Variants in ELL2 observed in about 807,000 individuals in gnomAD.
ELL2 encodes RNA polymerase II elongation factor ELL2.
In ELL2, 21 loss-of-function variants were observed where a neutral mutation model predicts 72.8. That is an observed-to-expected ratio of 0.29 (90% CI 0.20 to 0.42). ELL2 has a LOEUF of 0.42. ELL2 is among the 10% of genes least tolerant of loss of function. The pLI is 1.00. For synonymous variants in ELL2, 266 were observed against 283.2 expected (o/e 0.94, Z 0.61); for missense variants, 568 against 772.8 (o/e 0.73, Z 3.14).
At chr5:95,906,167 A>C (rs1749352581) in intron 5 of ELL2, among the ~76,000 whole-genome samples, 1 of 152,210 alleles carries the variant, frequency 6.6e-6, no homozygotes, top group Non-Finnish European at 1.5e-5. Flanking sequence ...AGGCCAATAG[A>C]ATACATTGCA....
intron 1 of ELL2, among the ~76,000 whole-genome samples, chr5:95,961,026 C>A (rs1751823364): frequency 6.6e-6 from 1 of 152,024 alleles, no homozygotes; most frequent in South Asian, 2.1e-4. Context: ...AGTGTGTCCC[C>A]TGATACGTGG....
chr5:95,900,301 T>G (rs115736436), intron 7 of ELL2: 1,581 of 155,222 alleles, frequency 0.01, 16 homozygotes, highest in Non-Finnish European at 0.016. Flanking sequence ...AAATCCATTT[T>G]CCCCAAAAAA....
Position 95,886,110 on chromosome 5 carries a change from C to G in ELL2, c.*2761G>C, listed in dbSNP as rs1748455333. On this transcript the variant is annotated 3_prime_UTR_variant, in exon 12 of 12. Transcript: ENST00000237853. ...TAATCTTGCTATTTTTCACACCATC[C>G]TTCCAAAAAAGAAAAGAAAAAAAAC... 2 of 151,822 alleles carry G rather than the reference C, an allele frequency of 1.3e-5. No individual in the cohort carries two copies. The allele number at this position is 151,822 out of a possible 1,614,324, so 9.4% of individuals were successfully genotyped here. A position where few individuals can be genotyped will look rare whatever the true frequency, so the allele number is the denominator to read the frequency against.
At chr5:95,925,556 C>T (rs147828987) in intron 2 of ELL2, among the ~76,000 whole-genome samples, 123 of 152,278 alleles carry the variant, frequency 8.1e-4, no homozygotes, top group African/African-American at 2.7e-3. Context: ...TCAAGTGGTG[C>T]GTGGCACAAA....
At chr5:95,958,460 G>T (rs1240180294) in intron 1 of ELL2, among the ~76,000 whole-genome samples, 1 of 152,224 alleles carries the variant, frequency 6.6e-6, no homozygotes, top group Admixed American at 6.5e-5. Context: ...CCTGCAGTAA[G>T]TACCAACGGT....
intron 2 of ELL2, among the ~76,000 whole-genome samples, chr5:95,929,917 G>A (rs746026012): frequency 1.3e-5 from 2 of 152,064 alleles, no homozygotes; most frequent in African/African-American, 4.8e-5. Flanking sequence ...GTGGCTTCCT[G>A]GGTTTGTGGG....
intron 1 of ELL2, among the ~76,000 whole-genome samples, chr5:95,949,114 A>G (rs1006077844): frequency 7.9e-5 from 12 of 152,222 alleles, no homozygotes; most frequent in Non-Finnish European, 1.8e-4. Flanking sequence ...AAAGAGATCT[A>G]TGTACACTTA....
intron 1 of ELL2, among the ~76,000 whole-genome samples, chr5:95,946,357 C>T (rs1221205260): frequency 2.0e-5 from 3 of 152,132 alleles, no homozygotes; most frequent in African/African-American, 7.2e-5. Flanking sequence ...AAGATGATGC[C>T]AGCGTGGCTC....
intron 5 of ELL2, among the ~76,000 whole-genome samples, chr5:95,903,237 G>A (rs1403191494): frequency 9.4e-5 from 7 of 74,320 alleles, no homozygotes; most frequent in South Asian, 5.3e-4. Flanking sequence ...TTTTTTTTCC[G>A]AGACAGAGTC....
Position 95,961,564 on chromosome 5 carries a change from G to C in ELL2, c.147+11C>G. On this transcript the variant is annotated intron_variant, in intron 1 of 11. Coordinates refer to ENST00000237853, the MANE Select transcript of ELL2 (RefSeq NM_012081.6). ...CCTCTCTGAGCCCAGCCTGCCGGCC[G>C]GCCCGCTCACCTTGTGGCTCTGGTA... 6.4e-7 allele frequency: 1 copy of C among 1,573,410 alleles called. No homozygotes were observed. Among genetic ancestry groups the C allele is most frequent in the Non-Finnish European group, 8.6e-7 (1 of 1,162,176 alleles).
At chr5:95,948,413 G>A (rs560682371) in intron 1 of ELL2, among the ~76,000 whole-genome samples, 8 of 110,904 alleles carry the variant, frequency 7.2e-5, no homozygotes, top group Non-Finnish European at 1.2e-4. Context: ...CTGGGCAACA[G>A]AGCGAGACTC....
chr5:95,898,361 T>G lies in ELL2; in HGVS notation c.1404A>C (p.Lys468Asn). Residue 468 changes from lysine (K) to asparagine (N), a missense_variant, in exon 8 of 12, where the codon AAA (lysine) becomes AAC (asparagine). Lys to Asn is a moderately conservative substitution (Grantham distance 94, BLOSUM62 0). Coordinates refer to ENST00000237853, the MANE Select transcript of ELL2 (RefSeq NM_012081.6). ...TTTTTATTTGGTCCTTTTCCTTATG[T>G]TTTTTAGACTTCTTTTTGGACTTTT... is the stretch of plus-strand genomic sequence containing the variant. ...SHKKSKKKSKKHKEKDQIKKH... is the reference protein window; with the variant it reads ...SHKKSKKKSKNHKEKDQIKKH... 6.2e-7 allele frequency: 1 copy of G among 1,613,632 alleles called. No homozygotes were observed. The highest frequency in any genetic ancestry group is 8.5e-7 in the Non-Finnish European group (1 of 1,179,866).
intron 1 of ELL2, among the ~76,000 whole-genome samples, chr5:95,953,221 T>C (rs990601701): frequency 6.6e-6 from 1 of 152,222 alleles, no homozygotes; most frequent in African/African-American, 2.4e-5. Context: ...TCATGACTTA[T>C]TCAGCTTTCT....
At chr5:95,948,618 T>C (rs1387877403) in intron 1 of ELL2, among the ~76,000 whole-genome samples, 2 of 152,154 alleles carry the variant, frequency 1.3e-5, no homozygotes, top group East Asian at 3.8e-4. Context: ...AGTTTAATTG[T>C]ATAAACATGA....
At position 95,885,709 on chromosome 5, in the gene ELL2, A is replaced by G. The variant is rs1439418866; in HGVS notation, c.*3162T>C. 6.6e-6 allele frequency: 1 copy of G among 152,236 alleles called. No individual in the cohort carries two copies. Among genetic ancestry groups the G allele is most frequent in the East Asian group, 1.9e-4 (1 of 5,202 alleles). The allele number at this position is 152,236 out of a possible 1,614,324, so 9.4% of individuals were successfully genotyped here. ...TTTTACATAAGGTGAAACACTTTAT[A>G]AGAGAAAAGAAAACTCCTATAAAGC... On this transcript the variant is annotated 3_prime_UTR_variant, in exon 12 of 12. Coordinates refer to ENST00000237853, the MANE Select transcript of ELL2 (RefSeq NM_012081.6).
intron 3 of ELL2, 34 bp from the exon 4 acceptor site, chr5:95,913,968 AC>A: frequency 6.5e-7 from 1 of 1,539,580 alleles, no homozygotes; most frequent in South Asian, 1.3e-5. Context: ...GTTAGACATG[AC>A]CTTCATTTTG....
At position 95,887,754 on chromosome 5, in the gene ELL2, T is replaced by C. The variant is rs1228743586; in HGVS notation, c.*1117A>G. On this transcript the variant is annotated 3_prime_UTR_variant, in exon 12 of 12. Transcript: ENST00000237853. ...AAAAAAAAATCTTTAAATATACCTC[T>C]TATGTAGGTAATAGCTTCTTTGCAT... The C allele has an allele frequency of 6.6e-6, 1 of 152,648 alleles. No homozygotes were observed. The highest frequency in any genetic ancestry group is 1.5e-5 in the Non-Finnish European group (1 of 68,046). The allele number at this position is 152,648 out of a possible 1,614,324, so 9.5% of individuals were successfully genotyped here.
At chr5:95,956,776 T>C (rs1751642788) in intron 1 of ELL2, among the ~76,000 whole-genome samples, 1 of 152,154 alleles carries the variant, frequency 6.6e-6, no homozygotes, top group Non-Finnish European at 1.5e-5. Flanking sequence ...AGTAACACAT[T>C]GAAGGGAGCT....
At chr5:95,938,487 G>A (rs577727091) in intron 2 of ELL2, among the ~76,000 whole-genome samples, 4 of 152,312 alleles carry the variant, frequency 2.6e-5, no homozygotes, top group Admixed American at 6.5e-5. Flanking sequence ...TCTTTGGGAA[G>A]CCCAGTCAGG....
Sources: gnomAD v4.1 joint callset for allele counts (sites outside exome capture counted in the v4.1 genomes callset) on GRCh38, gnomAD v4.1.1 for gene constraint, MANE v1.5 for transcripts, NCBI Gene and HGNC (gene_info 2026-07-23, HGNC 2026-07-21) for gene names.